CPNE5: variants seen among roughly 807,000 people sequenced by gnomAD.
CPNE5 encodes copine 5.
Under a neutral mutation model 81.1 loss-of-function variants are expected in CPNE5, and 42 were observed. The observed-to-expected ratio is 0.52, with a 90% CI of 0.40 to 0.67. The LOEUF (loss-of-function observed/expected upper bound fraction) is 0.67. CPNE5 is among the 30% of genes least tolerant of loss of function. The pLI, the probability that CPNE5 is intolerant of heterozygous loss-of-function variation, is 0.00. For synonymous variants in CPNE5, 313 were observed against 321.5 expected (o/e 0.97, Z 0.28); for missense variants, 612 against 815.5 (o/e 0.75, Z 3.04).
intron 14 of CPNE5, 101 bp downstream of exon 14, chr6:36,752,933 G>C (rs1342528233): frequency 2.2e-6 from 2 of 923,258 alleles, no homozygotes; most frequent in East Asian, 4.9e-5. Flanking sequence ...CTTCAACCAG[G>C]GCTTTGAAGA....
intron 9 of CPNE5, among the ~76,000 whole-genome samples, chr6:36,776,628 C>T (rs1314321533): frequency 2.0e-5 from 3 of 152,086 alleles, no homozygotes; most frequent in Admixed American, 6.5e-5. Context: ...CCAAATACCA[C>T]CCCCCAACCG....
At chr6:36,780,512 C>T (rs1767950188) in intron 8 of CPNE5, among the ~76,000 whole-genome samples, 2 of 152,186 alleles carry the variant, frequency 1.3e-5, no homozygotes, top group South Asian at 2.1e-4. Flanking sequence ...CTCAGTTTCC[C>T]TACTTATAAA....
At chr6:36,797,541 G>T (rs549982257) in intron 6 of CPNE5, among the ~76,000 whole-genome samples, 1 of 152,220 alleles carries the variant, frequency 6.6e-6, no homozygotes, top group Non-Finnish European at 1.5e-5. Flanking sequence ...CTGAGAAATA[G>T]GGACAAGAGA....
chr6:36,826,731 G>A (rs1772534466), intron 1 of CPNE5, among the ~76,000 whole-genome samples: 1 of 152,216 alleles, frequency 6.6e-6, no homozygotes, highest in Non-Finnish European at 1.5e-5. Context: ...ATGGGTGAGC[G>A]AAGCCCGTAT....
At chr6:36,751,659 G>T (rs187142833) in intron 14 of CPNE5, among the ~76,000 whole-genome samples, 1 of 152,074 alleles carries the variant, frequency 6.6e-6, no homozygotes, top group South Asian at 2.1e-4. Flanking sequence ...GGGTGGTGGC[G>T]CATGCCTGTA....
intron 6 of CPNE5, among the ~76,000 whole-genome samples, chr6:36,796,989 C>T (rs761514381): frequency 1.3e-5 from 2 of 152,190 alleles, no homozygotes; most frequent in Non-Finnish European, 2.9e-5. Flanking sequence ...CGGCTCACTG[C>T]AACCTCCTGG....
intron 10 of CPNE5, among the ~76,000 whole-genome samples, chr6:36,773,031 T>A (rs1767174371): frequency 6.6e-6 from 1 of 152,168 alleles, no homozygotes; most frequent in Non-Finnish European, 1.5e-5. Flanking sequence ...TTAATTTTTT[T>A]AAATTTAGTT....
At chr6:36,824,426 C>G (rs1051469660) in intron 1 of CPNE5, among the ~76,000 whole-genome samples, 1 of 121,614 alleles carries the variant, frequency 8.2e-6, no homozygotes, top group Non-Finnish European at 1.9e-5. Flanking sequence ...CAGACAAGCC[C>G]TTCCTGCCTG....
chr6:36,742,566 C>T, intron 20 of CPNE5, 80 bp from the exon 21 acceptor site: 1 of 720,034 alleles, frequency 1.4e-6, no homozygotes, highest in Non-Finnish European at 2.5e-6. Flanking sequence ...GGGGTTGCAT[C>T]CCCACCCCCC....
intron 8 of CPNE5, among the ~76,000 whole-genome samples, chr6:36,783,218 C>T (rs1248897993): frequency 6.6e-6 from 1 of 151,956 alleles, no homozygotes; most frequent in East Asian, 1.9e-4. Context: ...TGGGGCCTAT[C>T]AGAGGGTGGA....
rs1211705695 is a variant in CPNE5 at position 36,743,779 on chromosome 6, G to C, written c.1490-17C>G. 1 of 1,607,456 alleles carries C rather than the reference G, an allele frequency of 6.2e-7. No homozygotes were observed. Among genetic ancestry groups the C allele is most frequent in the Non-Finnish European group, 8.5e-7 (1 of 1,177,402 alleles). On this transcript the variant is annotated splice_polypyrimidine_tract_variant and intron_variant, in intron 19 of 20. Coordinates refer to ENST00000244751, the MANE Select transcript of CPNE5 (RefSeq NM_020939.2). ...CCACCATGGCTGTGAGGGGAGGAGT[G>C]TCATGGGGCGGGGTGAGATTAACGG...
intron 3 of CPNE5, among the ~76,000 whole-genome samples, chr6:36,819,902 C>G (rs371744107): frequency 6.6e-6 from 1 of 152,246 alleles, no homozygotes; most frequent in East Asian, 1.9e-4. Context: ...CCTCTCCCCC[C>G]ATTCTGGTGC....
intron 8 of CPNE5, among the ~76,000 whole-genome samples, chr6:36,785,790 A>T (rs1312576153): frequency 6.6e-6 from 1 of 152,202 alleles, no homozygotes; most frequent in East Asian, 1.9e-4. Context: ...AGGTGGGCAG[A>T]TCACTTGAGG....
intron 10 of CPNE5, among the ~76,000 whole-genome samples, chr6:36,769,101 G>A (rs370543766): frequency 6.6e-5 from 10 of 152,170 alleles, no homozygotes; most frequent in East Asian, 1.9e-4. Flanking sequence ...CATGAGGCCC[G>A]GGATTTTTGT....
intron 1 of CPNE5, among the ~76,000 whole-genome samples, chr6:36,833,446 T>C (rs1000347867): frequency 6.6e-6 from 1 of 152,206 alleles, no homozygotes; most frequent in Non-Finnish European, 1.5e-5. Context: ...GATTGGGTTA[T>C]GATGTATAAC....
At chr6:36,759,861 G>A (rs1765850334) in intron 12 of CPNE5, among the ~76,000 whole-genome samples, 1 of 151,890 alleles carries the variant, frequency 6.6e-6, no homozygotes, top group Non-Finnish European at 1.5e-5. Flanking sequence ...GCAGAGGGAA[G>A]GGGCAGGGGC....
intron 8 of CPNE5, among the ~76,000 whole-genome samples, chr6:36,788,230 G>C (rs529739615): frequency 8.6e-5 from 13 of 151,806 alleles, no homozygotes; most frequent in African/African-American, 1.5e-4. Context: ...GATGGTCGGG[G>C]GGGGGTCTCA....
intron 1 of CPNE5, chr6:36,838,866 G>C: frequency 5.0e-4 from 166 of 335,012 alleles, no homozygotes; most frequent in Non-Finnish European, 6.5e-4. Context: ...AGAGAGGAGG[G>C]CACAGAAGGG....
intron 6 of CPNE5, among the ~76,000 whole-genome samples, chr6:36,797,826 A>G (rs1769729545): frequency 6.6e-6 from 1 of 152,068 alleles, no homozygotes; most frequent in Non-Finnish European, 1.5e-5. Context: ...CCCTCTTCCT[A>G]GCTGTGTGTC....
Sources: gnomAD v4.1 joint callset for allele counts (sites outside exome capture counted in the v4.1 genomes callset) on GRCh38, gnomAD v4.1.1 for gene constraint, MANE v1.5 for transcripts, NCBI Gene and HGNC (gene_info 2026-07-23, HGNC 2026-07-21) for gene names.